Variants in DARS1 observed in about 807,000 individuals in gnomAD.
The protein encoded by DARS1 is aspartyl-tRNA synthetase 1, also known as aspartate--tRNA ligase, cytoplasmic.
A neutral mutation model predicts 68.8 loss-of-function variants in DARS1; 51 were observed. The ratio of observed to expected loss-of-function variants is 0.74; its 90% CI spans 0.59 to 0.94. The LOEUF is 0.94. DARS1 is among the 40% of genes least tolerant of loss of function. DARS1 has a pLI of 0.00. For missense variants in DARS1, 607 were observed against 597.3 expected (o/e 1.02, Z -0.17); for synonymous variants, 203 against 190.4 (o/e 1.07, Z -0.55).
At chr2:135,959,438 C>CCCGTATAT in intron 4 of DARS1, among the ~76,000 whole-genome samples, 1 of 130,802 alleles carries the variant, frequency 7.6e-6, no homozygotes, top group South Asian at 2.5e-4. Flanking sequence ...AAAAAGATCG[C>CCCGTATAT]CCGTATATCA....
In DARS1 at chr2:135,906,275, A is replaced by G. The variant is rs548056858; in HGVS notation, c.*1041T>C. ...ATATGTTATGTTTTGTTCCTCCCCAATATTTGTGGTCATGTAAAATTAACA... is the reference window on the plus strand; with the variant it reads ...ATATGTTATGTTTTGTTCCTCCCCAGTATTTGTGGTCATGTAAAATTAACA... On this transcript the variant is annotated 3_prime_UTR_variant, in exon 16 of 16. Coordinates refer to ENST00000264161, the MANE Select transcript of DARS1 (RefSeq NM_001349.4). Among the ~76,000 whole-genome samples the G allele has an allele frequency of 6.6e-6, 1 of 152,026 alleles. No individual in the cohort carries two copies. Among genetic ancestry groups the G allele is most frequent in the Non-Finnish European group, 1.5e-5 (1 of 68,014 alleles).
At chr2:135,971,262 C>T (rs551064365) in intron 3 of DARS1, among the ~76,000 whole-genome samples, 1 of 152,266 alleles carries the variant, frequency 6.6e-6, no homozygotes, top group South Asian at 2.1e-4. Context: ...TGGGATTTAT[C>T]TCAGGGATGC....
At chr2:135,946,008 A>G (rs1030035191) in intron 4 of DARS1, among the ~76,000 whole-genome samples, 2 of 152,132 alleles carry the variant, frequency 1.3e-5, no homozygotes, top group African/African-American at 4.8e-5. Flanking sequence ...ATCTACATCC[A>G]TTTTTGTCTT....
chr2:135,942,948 C>A (rs189301568), intron 5 of DARS1, among the ~76,000 whole-genome samples: 2 of 152,098 alleles, frequency 1.3e-5, no homozygotes, highest in South Asian at 4.1e-4. Context: ...GTGACTTTGA[C>A]GAGTGGAATA....
chr2:135,930,442 G>C (rs532760601), intron 7 of DARS1, among the ~76,000 whole-genome samples: 2 of 152,258 alleles, frequency 1.3e-5, no homozygotes, highest in Non-Finnish European at 1.5e-5. Context: ...AAAAAGAGCT[G>C]ATGATTCACC....
At position 135,948,657 on chromosome 2, in the gene DARS1, G is replaced by T. The variant is rs190984744; in HGVS notation, c.321-5177C>A. On this transcript the variant is annotated intron_variant, in intron 4 of 15. Transcript: ENST00000264161. ...GGGCGGGTGGATCACTTGAGGTCAG[G>T]AGTTTGAGAGCAGCCTGGCCAACAT... Among the ~76,000 whole-genome samples, 38 of 152,246 alleles carry T rather than the reference G, an allele frequency of 2.5e-4. No individual in the cohort carries two copies. The East Asian group carries it at 7.3e-3, about 29-fold the overall frequency.
intron 7 of DARS1, among the ~76,000 whole-genome samples, chr2:135,928,766 G>A (rs1048267381): frequency 6.7e-6 from 1 of 150,058 alleles, no homozygotes; most frequent in Non-Finnish European, 1.5e-5. Context: ...TGCCTCCCGA[G>A]TAGCTGGGAT....
At chr2:135,923,388 C>T (rs1031804890) in intron 8 of DARS1, among the ~76,000 whole-genome samples, 1 of 152,120 alleles carries the variant, frequency 6.6e-6, no homozygotes, top group Non-Finnish European at 1.5e-5. Context: ...CTCCCAGGTT[C>T]AAGCGATTCT....
intron 5 of DARS1, among the ~76,000 whole-genome samples, chr2:135,938,913 A>G (rs1681531976): frequency 6.6e-6 from 1 of 152,206 alleles, no homozygotes. Context: ...AGAGACAAAG[A>G]AGGCCATTAA....
chr2:135,908,219 T>C (rs1351278223), intron 15 of DARS1, among the ~76,000 whole-genome samples: 1 of 152,220 alleles, frequency 6.6e-6, no homozygotes, highest in African/African-American at 2.4e-5. Flanking sequence ...AGCTGAAAAC[T>C]AGAAACAATG....
At chr2:135,975,137 G>A (rs1370182699) in intron 3 of DARS1, among the ~76,000 whole-genome samples, 1 of 152,128 alleles carries the variant, frequency 6.6e-6, no homozygotes, top group Non-Finnish European at 1.5e-5. Flanking sequence ...AAGGTCAGGA[G>A]ATCGAGACCA....
intron 15 of DARS1, among the ~76,000 whole-genome samples, chr2:135,909,400 TATG>T (rs1680852116): frequency 6.6e-6 from 1 of 152,244 alleles, no homozygotes; most frequent in Non-Finnish European, 1.5e-5. Context: ...ATTTACAGTG[TATG>T]ATGTGACACT....
chr2:135,916,487 A>C (rs1348545377), intron 10 of DARS1, 115 bp from the exon 11 acceptor site: 1 of 490,294 alleles, frequency 2.0e-6, no homozygotes, highest in Non-Finnish European at 3.7e-6. Flanking sequence ...CACCAGGAAA[A>C]GCATTATCAA....
intron 4 of DARS1, among the ~76,000 whole-genome samples, chr2:135,951,648 C>T (rs141504254): frequency 2.0e-5 from 3 of 152,290 alleles, no homozygotes; most frequent in Non-Finnish European, 4.4e-5. Context: ...TCGGTCAATG[C>T]AGACAACAAC....
intron 4 of DARS1, 144 bp from the exon 5 acceptor site, chr2:135,943,624 C>A: frequency 2.3e-6 from 3 of 1,294,870 alleles, no homozygotes; most frequent in Non-Finnish European, 3.1e-6. Context: ...ATTTAACCTA[C>A]TTAGAATAAG....
intron 4 of DARS1, among the ~76,000 whole-genome samples, chr2:135,957,698 C>G (rs1177520252): frequency 6.6e-6 from 1 of 152,060 alleles, no homozygotes; most frequent in Non-Finnish European, 1.5e-5. Context: ...ATGCACTACT[C>G]AACAAGGCAC....
intron 3 of DARS1, among the ~76,000 whole-genome samples, chr2:135,966,737 T>C (rs1682245462): frequency 6.6e-6 from 1 of 152,152 alleles, no homozygotes; most frequent in Non-Finnish European, 1.5e-5. Flanking sequence ...TTTCACCATG[T>C]TGGTCAGGCT....
At chr2:135,968,008 C>A (rs1472526078) in intron 3 of DARS1, among the ~76,000 whole-genome samples, 2 of 152,066 alleles carry the variant, frequency 1.3e-5, no homozygotes, top group Non-Finnish European at 2.9e-5. Flanking sequence ...ATCTGTAATC[C>A]CAGCACTTTG....
At chr2:135,952,371 AT>A (rs1383156136) in intron 4 of DARS1, among the ~76,000 whole-genome samples, 10 of 152,206 alleles carry the variant, frequency 6.6e-5, no homozygotes, top group African/African-American at 2.4e-4. Flanking sequence ...AAATCAGAGC[AT>A]TTGGCATATC....
Sources: gnomAD v4.1 joint callset for allele counts (sites outside exome capture counted in the v4.1 genomes callset) on GRCh38, gnomAD v4.1.1 for gene constraint, MANE v1.5 for transcripts, NCBI Gene and HGNC (gene_info 2026-07-23, HGNC 2026-07-21) for gene names.